The following PARD3 variants were observed in gnomAD, a reference collection of about 807,000 sequenced individuals.
PARD3 encodes the protein partitioning defective 3 homolog.
PARD3 carries 75 observed loss-of-function variants against 155.4 expected under a neutral mutation model. The ratio of observed to expected loss-of-function variants is 0.48; its 90% CI spans 0.40 to 0.58. PARD3 has a LOEUF of 0.58. Ranked by LOEUF, PARD3 falls within the 20% of genes least tolerant of loss-of-function variation. The pLI, the probability that PARD3 is intolerant of heterozygous loss-of-function variation, is 0.00. For missense variants in PARD3, 1,642 were observed against 1,721.7 expected (o/e 0.95, Z 0.82); for synonymous variants, 576 against 610.5 (o/e 0.94, Z 0.83).
At chr10:34,488,137 CACTTT>C (rs1196152344) in intron 3 of PARD3, among the ~76,000 whole-genome samples, 2 of 152,102 alleles carry the variant, frequency 1.3e-5, no homozygotes, top group African/African-American at 2.4e-5. Context: ...GAAGCTCCTG[CACTTT>C]ACAAGATTTC....
At chr10:34,790,516 G>A (rs1841501847) in intron 1 of PARD3, among the ~76,000 whole-genome samples, 1 of 152,172 alleles carries the variant, frequency 6.6e-6, no homozygotes, top group South Asian at 2.1e-4. Flanking sequence ...GCTTCTGTTA[G>A]GGCCAGAACT....
chr10:34,412,035 T>C (rs1159792806), intron 5 of PARD3, among the ~76,000 whole-genome samples: 1 of 151,686 alleles, frequency 6.6e-6, no homozygotes, highest in Non-Finnish European at 1.5e-5. Context: ...TAATCACAGC[T>C]TACTGCAGCC....
At chr10:34,733,509 AGTCTCACTCT>A (rs775286683) in intron 1 of PARD3, among the ~76,000 whole-genome samples, 148 of 152,304 alleles carry the variant, frequency 9.7e-4, no homozygotes, top group Non-Finnish European at 1.4e-3. Flanking sequence ...TTTGAGATTG[AGTCTCACTCT>A]GTCACCCAGG....
intron 18 of PARD3, among the ~76,000 whole-genome samples, chr10:34,332,363 C>T (rs74771606): frequency 0.027 from 4,105 of 152,172 alleles, 176 homozygotes; most frequent in African/African-American, 0.094. Context: ...GCACCACCAC[C>T]TGGGCAATCC....
intron 22 of PARD3, among the ~76,000 whole-genome samples, chr10:34,170,593 A>AC (rs1273253637): frequency 6.6e-6 from 1 of 152,064 alleles, no homozygotes; most frequent in Non-Finnish European, 1.5e-5. Context: ...GTAGACACTG[A>AC]CCCTAGACAG....
chr10:34,684,027 T>C (rs1385196285), intron 2 of PARD3, among the ~76,000 whole-genome samples: 1 of 152,252 alleles, frequency 6.6e-6, no homozygotes, highest in African/African-American at 2.4e-5. Flanking sequence ...GTCATCTAGT[T>C]AATGAAGTCA....
intron 20 of PARD3, among the ~76,000 whole-genome samples, chr10:34,313,460 C>A (rs934107833): frequency 7.2e-5 from 11 of 152,128 alleles, no homozygotes; most frequent in Non-Finnish European, 1.6e-4. Context: ...TGCATTAAGG[C>A]GGCTTTTGTA....
In PARD3 at chr10:34,684,379, G is replaced by A. The variant is rs575553466; in HGVS notation, c.222+11939C>T. On this transcript the variant is annotated intron_variant, in intron 2 of 24. Coordinates refer to ENST00000374788, the MANE Select transcript of PARD3 (RefSeq NM_001184785.2). ...AACTGACTTTTCACAGATTTATATT[G>A]GATTCACAGATTTATCTACGGTTAG... 1.8e-4 allele frequency among the ~76,000 whole-genome samples: 28 copies of A among 152,192 alleles called. No individual in the cohort carries two copies. In the South Asian group the frequency reaches 5.8e-3, roughly 32 times the overall value.
intron 5 of PARD3, among the ~76,000 whole-genome samples, chr10:34,419,867 A>G (rs1846024422): frequency 6.6e-6 from 1 of 152,246 alleles, no homozygotes; most frequent in South Asian, 2.1e-4. Flanking sequence ...AAATTACGTA[A>G]AACTTGTTCT....
chr10:34,486,756 C>G (rs1372949406), intron 3 of PARD3, among the ~76,000 whole-genome samples: 1 of 152,142 alleles, frequency 6.6e-6, no homozygotes, highest in East Asian at 1.9e-4. Context: ...CTGGTGACAT[C>G]AGTGCTGCTG....
At chr10:34,557,129 T>G (rs765818220) in intron 2 of PARD3, among the ~76,000 whole-genome samples, 1 of 152,162 alleles carries the variant, frequency 6.6e-6, no homozygotes, top group African/African-American at 2.4e-5. Context: ...TAATATTGAC[T>G]CCATGATCTC....
intron 22 of PARD3, among the ~76,000 whole-genome samples, chr10:34,171,142 A>C (rs1200314777): frequency 6.6e-6 from 1 of 152,234 alleles, no homozygotes; most frequent in Non-Finnish European, 1.5e-5. Flanking sequence ...TCCATCCATC[A>C]AAAAAGATGG....
In PARD3 at chr10:34,487,746, T is replaced by A. The variant is rs117437691; in HGVS notation, c.404-17483A>T. On this transcript the variant is annotated intron_variant, in intron 3 of 24. Transcript: ENST00000374788. The stretch of plus-strand genomic sequence containing the variant: ...AGTCAATCTAAATTAATTCTTCACA[T>A]ATAATTTTATAGGTATATCTGCACC... Among the ~76,000 whole-genome samples the A allele has an allele frequency of 1.1e-3, 172 of 152,256 alleles. 4 individuals are homozygous for A. In the East Asian group the frequency reaches 0.03, roughly 27 times the overall value.
At chr10:34,481,660 A>G (rs575434734) in intron 3 of PARD3, among the ~76,000 whole-genome samples, 1 of 152,280 alleles carries the variant, frequency 6.6e-6, no homozygotes, top group Admixed American at 6.5e-5. Context: ...TTATTTTGCT[A>G]TGGGAGAGCT....
intron 2 of PARD3, among the ~76,000 whole-genome samples, chr10:34,583,839 T>A (rs2134282053): frequency 6.6e-6 from 1 of 152,278 alleles, no homozygotes. Context: ...TTCTATCAGT[T>A]TAATGCTCCA....
intron 2 of PARD3, among the ~76,000 whole-genome samples, chr10:34,651,345 A>T (rs1305434042): frequency 6.6e-6 from 1 of 152,198 alleles, no homozygotes; most frequent in Non-Finnish European, 1.5e-5. Context: ...GATACTCCCC[A>T]CTAAAGGGCA....
intron 12 of PARD3, among the ~76,000 whole-genome samples, chr10:34,371,533 CAACG>C (rs1191586465): frequency 3.3e-4 from 22 of 66,076 alleles, no homozygotes; most frequent in Admixed American, 5.0e-4. Flanking sequence ...AAAAAAAAAA[CAACG>C]AAGGAATATT....
At chr10:34,236,715 T>C (rs1030737033) in intron 22 of PARD3, among the ~76,000 whole-genome samples, 1 of 152,132 alleles carries the variant, frequency 6.6e-6, no homozygotes, top group African/African-American at 2.4e-5. Flanking sequence ...CAATGTGAAA[T>C]TTTCAAAAGT....
intron 5 of PARD3, among the ~76,000 whole-genome samples, chr10:34,405,747 C>A (rs527661069): frequency 6.6e-6 from 1 of 152,250 alleles, no homozygotes; most frequent in South Asian, 2.1e-4. Flanking sequence ...ATAGCCACAC[C>A]GCTAGCCAGA....
Sources: gnomAD v4.1 joint callset for allele counts (sites outside exome capture counted in the v4.1 genomes callset) on GRCh38, gnomAD v4.1.1 for gene constraint, MANE v1.5 for transcripts, NCBI Gene and HGNC (gene_info 2026-07-23, HGNC 2026-07-21) for gene names.